SLC46A3: variants seen among roughly 807,000 people sequenced by gnomAD.
The protein encoded by SLC46A3 is lysosomal proton-coupled steroid conjugate and bile acid symporter SLC46A3.
Under a neutral mutation model 38.5 loss-of-function variants are expected in SLC46A3, and 26 were observed. That is an observed-to-expected ratio of 0.68 (90% CI 0.49 to 0.94). The LOEUF is 0.94. Among genes scored for constraint, SLC46A3 ranks in the 40% least tolerant of loss-of-function variants. SLC46A3 has a pLI of 0.00. For missense variants in SLC46A3, 510 were observed against 544.3 expected (o/e 0.94, Z 0.63); for synonymous variants, 185 against 192.5 (o/e 0.96, Z 0.32).
Position 28,701,439 on chromosome 13 carries a change from G to A in SLC46A3, c.*58C>T. 1 of 1,588,602 alleles carries A rather than the reference G, an allele frequency of 6.3e-7. No homozygotes were observed. The highest frequency in any genetic ancestry group is 8.5e-7 in the Non-Finnish European group (1 of 1,171,522). On this transcript the variant is annotated 3_prime_UTR_variant, in exon 6 of 6. Coordinates refer to ENST00000266943, the MANE Select transcript of SLC46A3 (RefSeq NM_181785.4). ...TTGTGGAATTCATTTATAGTCTTCA[G>A]AAGTCATGGTATATGATATGTGCAT... is the stretch of plus-strand genomic sequence containing the variant.
chr13:28,703,521 G>A (rs1005325445), intron 5 of SLC46A3, among the ~76,000 whole-genome samples: 2 of 152,082 alleles, frequency 1.3e-5, no homozygotes, highest in South Asian at 4.1e-4. Context: ...ATTATTGACA[G>A]ATGCTTTCAC....
intron 2 of SLC46A3, among the ~76,000 whole-genome samples, chr13:28,713,991 T>C (rs1015994283): frequency 2.2e-4 from 34 of 152,172 alleles, no homozygotes; most frequent in African/African-American, 8.0e-4. Context: ...TAAAGTGTGG[T>C]GATCAAAAAG....
intron 1 of SLC46A3, 65 bp from the exon 2 acceptor site, chr13:28,718,087 G>A: frequency 1.4e-6 from 2 of 1,397,924 alleles, no homozygotes; most frequent in Non-Finnish European, 9.7e-7. Flanking sequence ...TTCAAAGATG[G>A]GTAAGTTTGA....
At chr13:28,716,551 A>G (rs557825529) in intron 2 of SLC46A3, among the ~76,000 whole-genome samples, 1 of 152,272 alleles carries the variant, frequency 6.6e-6, no homozygotes, top group Admixed American at 6.5e-5. Flanking sequence ...GGAATGACCT[A>G]GGAGACATTC....
At chr13:28,715,690 G>C (rs995557004) in intron 2 of SLC46A3, among the ~76,000 whole-genome samples, 1 of 152,174 alleles carries the variant, frequency 6.6e-6, no homozygotes, top group East Asian at 1.9e-4. Flanking sequence ...GTTTCAAATA[G>C]CAAGAAGGAG....
chr13:28,703,113 T>C (rs12716664), intron 5 of SLC46A3, among the ~76,000 whole-genome samples: 51,597 of 152,136 alleles, frequency 0.34, 9,696 homozygotes, highest in Non-Finnish European at 0.42. Flanking sequence ...TTTATGCTTC[T>C]GATCTATCCA....
chr13:28,702,958 A>G (rs1357888055), intron 5 of SLC46A3, among the ~76,000 whole-genome samples: 2 of 152,180 alleles, frequency 1.3e-5, no homozygotes, highest in African/African-American at 4.8e-5. Context: ...CATGAAATGC[A>G]CAGAGCTCAG....
At chr13:28,707,262 A>G (rs1258238870) in intron 4 of SLC46A3, among the ~76,000 whole-genome samples, 1 of 151,970 alleles carries the variant, frequency 6.6e-6, no homozygotes, top group Non-Finnish European at 1.5e-5. Flanking sequence ...GACATGGATG[A>G]AGCTGGAAAC....
chr13:28,703,997 C>A lies in SLC46A3; in HGVS notation c.1247G>T (p.Gly416Val). 4 of 1,613,644 alleles carry A rather than the reference C, an allele frequency of 2.5e-6. No homozygotes were observed. Among genetic ancestry groups the A allele is most frequent in the Non-Finnish European group, 3.4e-6 (4 of 1,179,808 alleles). ...ACCAGCAGACAGCAGGAAAGTGAAG[C>A]CAGGGTACCAAGCAACAGTGGCTGA... Reference protein sequence around the residue: ...IYSATVAWYPGFTFLLSAGLL... With the variant: ...IYSATVAWYPVFTFLLSAGLL... The change falls in exon 5 of 6, where the codon GGC (glycine) becomes GTC (valine). Residue 416 changes from glycine to valine, a missense_variant. Transcript: ENST00000266943.
Position 28,713,679 on chromosome 13 carries a change from C to T in SLC46A3, c.190-129G>A, listed in dbSNP as rs576932272. Reference sequence around the variant, plus strand: ...GGGTGGGGAATCTCTGGTGGATGGGCGGGACTAATAGAGCTTACATTTTCA... The same window carrying T: ...GGGTGGGGAATCTCTGGTGGATGGGTGGGACTAATAGAGCTTACATTTTCA... On this transcript the variant is annotated intron_variant, in intron 2 of 5. Transcript: ENST00000266943. 38 of 786,756 alleles carry T rather than the reference C, an allele frequency of 4.8e-5. 1 individual carries two copies. The highest frequency in any genetic ancestry group is 4.2e-4 in the South Asian group (22 of 52,850). 48.7% of individuals were successfully genotyped at this position (786,756 alleles called of 1,614,324 possible).
intron 1 of SLC46A3, 33 bp from the exon 2 acceptor site, chr13:28,718,055 G>A: frequency 6.5e-7 from 1 of 1,539,112 alleles, no homozygotes; most frequent in Non-Finnish European, 8.8e-7. Context: ...AAGATCATCT[G>A]TCTCATCCCA....
At chr13:28,705,231 T>G (rs1758727244) in intron 4 of SLC46A3, among the ~76,000 whole-genome samples, 1 of 152,236 alleles carries the variant, frequency 6.6e-6, no homozygotes, top group Admixed American at 6.5e-5. Flanking sequence ...AAGTTTACTT[T>G]TCCATGAAAA....
chr13:28,717,915 A>C lies in SLC46A3; in HGVS notation c.84T>G (p.Val28=). ...TLTGPLTTQY[V]YRRIWEETGN... ...CAGTTTCTTCCCATATTCTCCGATA[A>C]ACATATTGCGTTGTCAGTGGACCGG... The change falls in exon 2 of 6, where the codon GTT becomes GTG. Residue 28 remains valine (V), a synonymous_variant. Coordinates refer to ENST00000266943, the MANE Select transcript of SLC46A3 (RefSeq NM_181785.4). 1 of 1,614,164 alleles carries C rather than the reference A, an allele frequency of 6.2e-7. No homozygotes were observed. The highest frequency in any genetic ancestry group is 2.2e-5 in the East Asian group (1 of 44,868).
chr13:28,703,452 C>G (rs1885086081), intron 5 of SLC46A3, among the ~76,000 whole-genome samples: 1 of 152,166 alleles, frequency 6.6e-6, no homozygotes, highest in Non-Finnish European at 1.5e-5. Flanking sequence ...ATAATGAACA[C>G]AATCCTTCTT....
chr13:28,715,066 T>C (rs1040680310), intron 2 of SLC46A3, among the ~76,000 whole-genome samples: 1 of 152,220 alleles, frequency 6.6e-6, no homozygotes, highest in Non-Finnish European at 1.5e-5. Context: ...CTGAAGGCGA[T>C]GGTGGTGCCT....
chr13:28,703,412 A>C (rs1885084399), intron 5 of SLC46A3, among the ~76,000 whole-genome samples: 2 of 152,328 alleles, frequency 1.3e-5, no homozygotes, highest in African/African-American at 4.8e-5. Flanking sequence ...TTAGATGCTA[A>C]TTTAATCAAT....
Position 28,701,034 on chromosome 13 carries a change from G to A in SLC46A3, c.*463C>T. ...TATATCATTATTTTCCTACCAATGA[G>A]TGATTCATCATAATTTTCATTATGC... On this transcript the variant is annotated 3_prime_UTR_variant, in exon 6 of 6. Coordinates refer to ENST00000266943, the MANE Select transcript of SLC46A3 (RefSeq NM_181785.4). 1 of 1,517,794 alleles carries A rather than the reference G, an allele frequency of 6.6e-7. No homozygotes were observed. The highest frequency in any genetic ancestry group is 8.8e-7 in the Non-Finnish European group (1 of 1,131,514). 94.0% of individuals were successfully genotyped at this position (1,517,794 alleles called of 1,614,324 possible). A position where few individuals can be genotyped will look rare whatever the true frequency, so the allele number is the denominator to read the frequency against.
chr13:28,706,016 A>T lies in SLC46A3; in HGVS notation c.1145-1917T>A, dbSNP rs9508118. 5.9e-3 allele frequency among the ~76,000 whole-genome samples: 905 copies of T among 152,300 alleles called. 4 individuals carry two copies. The highest frequency in any genetic ancestry group is 9.1e-3 in the Non-Finnish European group (617 of 68,024). On this transcript the variant is annotated intron_variant, in intron 4 of 5. Transcript: ENST00000266943. ...CTCTGAGCAGTTCGACTTGTTTAATAGTTGCCAGAGATAAAACAGGATTAA... is the reference window on the plus strand; with the variant it reads ...CTCTGAGCAGTTCGACTTGTTTAATTGTTGCCAGAGATAAAACAGGATTAA...
Position 28,717,484 on chromosome 13 carries a change from ACTTTTT to A in SLC46A3, c.189+320_189+325del, listed in dbSNP as rs1386182505. On this transcript the variant is annotated intron_variant, in intron 2 of 5. Transcript: ENST00000266943. ...CAGCCTGCCCTGCCCCAATTTTCAG[ACTTTTT>A]TTTTTTTTTTTTTTTTTTTTAGGAC... Among the ~76,000 whole-genome samples, 136 of 94,274 alleles carry A rather than the reference ACTTTTT, an allele frequency of 1.4e-3. 8 individuals are homozygous for A. Among genetic ancestry groups the A allele is most frequent in the South Asian group, 5.4e-3 (10 of 1,850 alleles). 61.8% of individuals were successfully genotyped at this position (94,274 alleles called of 152,430 possible).
Sources: gnomAD v4.1 joint callset for allele counts (sites outside exome capture counted in the v4.1 genomes callset) on GRCh38, gnomAD v4.1.1 for gene constraint, MANE v1.5 for transcripts, NCBI Gene and HGNC (gene_info 2026-07-23, HGNC 2026-07-21) for gene names.